RAB3GAP1: variants seen among roughly 807,000 people sequenced by gnomAD.
The protein encoded by RAB3GAP1 is rab3 GTPase-activating protein catalytic subunit.
RAB3GAP1 carries 86 observed loss-of-function variants against 130.7 expected under a neutral mutation model. The observed-to-expected ratio is 0.66, with a 90% CI of 0.55 to 0.79. The LOEUF is 0.79. Among genes scored for constraint, RAB3GAP1 ranks in the 30% least tolerant of loss-of-function variants. RAB3GAP1 has a pLI of 0.00. For synonymous variants in RAB3GAP1, 367 were observed against 401.7 expected (o/e 0.91, Z 1.03); for missense variants, 1,029 against 1,169.4 (o/e 0.88, Z 1.75).
rs147116480 is a variant in RAB3GAP1 at position 135,079,662 on chromosome 2, A to G, written c.151-11336A>G. 3.0e-3 allele frequency among the ~76,000 whole-genome samples: 456 copies of G among 152,162 alleles called. 2 individuals are homozygous for G. The highest frequency in any genetic ancestry group is 0.01 in the African/African-American group (423 of 41,492). On this transcript the variant is annotated intron_variant, in intron 3 of 23. Coordinates refer to ENST00000264158, the MANE Select transcript of RAB3GAP1 (RefSeq NM_012233.3). The stretch of plus-strand genomic sequence containing the variant: ...TTACCTAAAAGCTAACAGGGATCCA[A>G]TTTTCTTCATGAATCTACTGATGGC...
chr2:135,109,841 C>T lies in RAB3GAP1; in HGVS notation c.363-3310C>T, dbSNP rs193234803. Among the ~76,000 whole-genome samples, 21 of 152,294 alleles carry T rather than the reference C, an allele frequency of 1.4e-4. No homozygotes were observed. The East Asian group carries it at 3.5e-3, about 25-fold the overall frequency. Reference sequence around the variant, plus strand: ...TCATGGTCCGCCTGCCTCGGCCTCCCAAAGTGCTGGGATTACAGGTGTGAG... The same window carrying T: ...TCATGGTCCGCCTGCCTCGGCCTCCTAAAGTGCTGGGATTACAGGTGTGAG... On this transcript the variant is annotated intron_variant, in intron 5 of 23. Coordinates refer to ENST00000264158, the MANE Select transcript of RAB3GAP1 (RefSeq NM_012233.3).
At chr2:135,104,645 G>C (rs970780791) in intron 5 of RAB3GAP1, among the ~76,000 whole-genome samples, 1 of 151,914 alleles carries the variant, frequency 6.6e-6, no homozygotes, top group Non-Finnish European at 1.5e-5. Flanking sequence ...TTGAGGTCAA[G>C]AGTTCAAGAC....
At chr2:135,153,941 C>G in intron 19 of RAB3GAP1, 65 bp downstream of exon 19, 5 of 1,460,516 alleles carry the variant, frequency 3.4e-6, no homozygotes, top group Non-Finnish European at 4.8e-6. Flanking sequence ...TAGGAACTCA[C>G]TGTCATAGAC....
chr2:135,134,008 T>C lies in RAB3GAP1; in HGVS notation c.1474T>C (p.Trp492Arg). The change falls in exon 15 of 24, where the codon TGG becomes CGG. Residue 492 changes from tryptophan (W) to arginine (R), a missense_variant. By Grantham distance (101) the Trp-to-Arg change is moderately radical. Around this residue, in one of 3 missense-constraint regions of RAB3GAP1, gnomAD observed 373 missense variants for 493.6 expected, o/e 0.76. Coordinates refer to ENST00000264158, the MANE Select transcript of RAB3GAP1 (RefSeq NM_012233.3). ...QEFVLEMRFRWENNFLIPGLA... is the reference protein window; with the variant it reads ...QEFVLEMRFRRENNFLIPGLA... ...ATTTGTTCTTGAAATGCGTTTCCGA[T>C]GGGAAAACAACTTTCTGATTCCAGG... 1.2e-6 allele frequency: 2 copies of C among 1,613,918 alleles called. No homozygotes were observed. The highest frequency in any genetic ancestry group is 1.7e-6 in the Non-Finnish European group (2 of 1,179,804).
intron 3 of RAB3GAP1, among the ~76,000 whole-genome samples, chr2:135,088,270 A>G (rs974669734): frequency 2.0e-5 from 3 of 152,196 alleles, no homozygotes. Flanking sequence ...TTCTTCTAGC[A>G]AAACAAGCTC....
At position 135,115,338 on chromosome 2, in the gene RAB3GAP1, A is replaced by G; in HGVS notation, c.605A>G (p.Tyr202Cys). The change falls in exon 7 of 24, where the codon TAC (tyrosine) becomes TGC (cysteine). Residue 202 changes from tyrosine (Y) to cysteine (C), a missense_variant. Tyr to Cys is a radical substitution (Grantham distance 194). Around this residue, in one of 3 missense-constraint regions of RAB3GAP1, gnomAD observed 510 missense variants for 532.1 expected, o/e 0.96. Transcript: ENST00000264158. Reference protein sequence around the residue: ...MVHLRKVPNQYTHLSGLLDIF... With the variant: ...MVHLRKVPNQCTHLSGLLDIF... The stretch of plus-strand genomic sequence containing the variant: ...CATCTTAGAAAAGTGCCAAATCAGT[A>G]CACTCACTTATCAGGTCTGCTGGAT... 1 of 1,613,906 alleles carries G rather than the reference A, an allele frequency of 6.2e-7. No individual in the cohort carries two copies. The highest frequency in any genetic ancestry group is 8.5e-7 in the Non-Finnish European group (1 of 1,179,788).
intron 3 of RAB3GAP1, 63 bp downstream of exon 3, chr2:135,058,149 C>G (rs1409518045): frequency 5.8e-6 from 8 of 1,369,088 alleles, no homozygotes; most frequent in Non-Finnish European, 8.3e-6. Context: ...TTTTCCAGCC[C>G]TTTGCTGCAT....
intron 3 of RAB3GAP1, among the ~76,000 whole-genome samples, chr2:135,083,677 C>T (rs1164790178): frequency 6.7e-6 from 1 of 149,198 alleles, no homozygotes; most frequent in East Asian, 2.0e-4. Flanking sequence ...GTTACTCAGG[C>T]TGGTCCTAAA....
In RAB3GAP1 at chr2:135,091,129, G is replaced by C. The variant is rs1690131171; in HGVS notation, c.282G>C (p.Glu94Asp). The change falls in exon 4 of 24, where the codon GAG (glutamate) becomes GAC (aspartate). Residue 94 changes from glutamate (E) to aspartate (D), a missense_variant and splice_region_variant. By Grantham distance (45) the Glu-to-Asp change is conservative (BLOSUM62 2). Transcript: ENST00000264158. The part of the protein sequence containing the change: ...TDKEGKDELL[E>D]DVVPQSMQDL... Reference sequence around the variant, plus strand: ...AAGAAGGAAAGGATGAGTTATTAGAGGGTAAGTTATTTCTATATAATAATA... The same window carrying C: ...AAGAAGGAAAGGATGAGTTATTAGACGGTAAGTTATTTCTATATAATAATA... 5 of 1,580,860 alleles carry C rather than the reference G, an allele frequency of 3.2e-6. No homozygotes were observed. The East Asian group carries it at 1.1e-4, about 36-fold the overall frequency.
At chr2:135,068,735 A>G (rs1012053578) in intron 3 of RAB3GAP1, among the ~76,000 whole-genome samples, 5 of 152,226 alleles carry the variant, frequency 3.3e-5, no homozygotes, top group Non-Finnish European at 7.3e-5. Context: ...CCTCGGTGAC[A>G]GAGTGAGACT....
chr2:135,157,164 C>A (rs527615829), intron 19 of RAB3GAP1, among the ~76,000 whole-genome samples: 1 of 152,232 alleles, frequency 6.6e-6, no homozygotes, highest in East Asian at 1.9e-4. Context: ...CAGGTGAACA[C>A]CATGATGCCC....
At chr2:135,082,313 A>C (rs1558767081) in intron 3 of RAB3GAP1, among the ~76,000 whole-genome samples, 1 of 152,148 alleles carries the variant, frequency 6.6e-6, no homozygotes, top group Non-Finnish European at 1.5e-5. Flanking sequence ...CCACCTAAAG[A>C]AACTCGATAC....
At chr2:135,175,274 G>A (rs1275583113), downstream of RAB3GAP1, 1 of 152,256 alleles carries the variant, frequency 6.6e-6, no homozygotes, top group African/African-American at 2.4e-5. Flanking sequence ...AGGGGTTTCA[G>A]GCCTTGCCAT....
At chr2:135,077,301 C>G (rs1689659082) in intron 3 of RAB3GAP1, among the ~76,000 whole-genome samples, 1 of 151,736 alleles carries the variant, frequency 6.6e-6, no homozygotes, top group African/African-American at 2.4e-5. Context: ...AACAACAAAT[C>G]CATTCATTCA....
chr2:135,083,673 C>A (rs1472720038), intron 3 of RAB3GAP1, among the ~76,000 whole-genome samples: 1 of 149,500 alleles, frequency 6.7e-6, no homozygotes, highest in Non-Finnish European at 1.5e-5. Flanking sequence ...CATTGTTACT[C>A]AGGCTGGTCC....
chr2:135,073,098 C>G (rs940698505), intron 3 of RAB3GAP1, among the ~76,000 whole-genome samples: 1 of 152,234 alleles, frequency 6.6e-6, no homozygotes, highest in African/African-American at 2.4e-5. Context: ...ATTAAGCAGA[C>G]ACCCATCTTG....
At chr2:135,103,695 T>C (rs2104895254) in intron 5 of RAB3GAP1, among the ~76,000 whole-genome samples, 1 of 152,260 alleles carries the variant, frequency 6.6e-6, no homozygotes, top group East Asian at 1.9e-4. Context: ...ACCACCTCTG[T>C]TGCCAGATGA....
chr2:135,153,331 T>C (rs1464825619), intron 18 of RAB3GAP1, among the ~76,000 whole-genome samples: 2 of 152,222 alleles, frequency 1.3e-5, no homozygotes, highest in Admixed American at 6.5e-5. Flanking sequence ...TCCAAATTCA[T>C]TGAATGAAAG....
chr2:135,126,761 A>G, intron 11 of RAB3GAP1, 105 bp downstream of exon 11: 3 of 967,762 alleles, frequency 3.1e-6, no homozygotes, highest in Non-Finnish European at 5.0e-6. Context: ...TTCAGTTAAC[A>G]CCATGTAGGA....
Sources: gnomAD v4.1 joint callset for allele counts (sites outside exome capture counted in the v4.1 genomes callset) on GRCh38, gnomAD v4.1.1 for gene constraint, gnomAD v4.1.1 regional missense constraint, MANE v1.5 for transcripts, NCBI Gene and HGNC (gene_info 2026-07-23, HGNC 2026-07-21) for gene names.